Variants in FAM222A observed in about 807,000 individuals in gnomAD.
FAM222A encodes protein FAM222A.
A neutral mutation model predicts 25.8 loss-of-function variants in FAM222A; 7 were observed. The ratio of observed to expected loss-of-function variants is 0.27; its 90% CI spans 0.15 to 0.51. The LOEUF (loss-of-function observed/expected upper bound fraction) is 0.51, where lower values mean the gene tolerates loss of function less well. Among genes scored for constraint, FAM222A ranks in the 20% least tolerant of loss-of-function variants. FAM222A has a pLI of 0.97. For synonymous variants in FAM222A, 294 were observed against 298.8 expected, an observed-to-expected ratio of 0.98 and a Z score of 0.17; for missense variants, 573 against 640.5, an observed-to-expected ratio of 0.89 and a Z score of 1.14.
At chr12:109,719,913 C>T (rs1887717443) in intron 1 of FAM222A, among the ~76,000 whole-genome samples, 1 of 152,152 alleles carries the variant, frequency 6.6e-6, no homozygotes, top group Admixed American at 6.5e-5. Flanking sequence ...GAGTCGCAGA[C>T]CTGGGCTGAA....
chr12:109,766,862 C>T (rs562070985), intron 2 of FAM222A, among the ~76,000 whole-genome samples: 14 of 152,194 alleles, frequency 9.2e-5, no homozygotes, highest in African/African-American at 3.4e-4. Flanking sequence ...TCCAACAGAA[C>T]TCTGCATGCA....
intron 2 of FAM222A, among the ~76,000 whole-genome samples, chr12:109,748,822 T>A (rs1300704032): frequency 6.6e-6 from 1 of 152,206 alleles, no homozygotes; most frequent in African/African-American, 2.4e-5. Context: ...AGGATTTATT[T>A]ATTAGTAATT....
At position 109,762,887 on chromosome 12, in the gene FAM222A, C is replaced by T. The variant is rs567833359; in HGVS notation, c.83-5125C>T. On this transcript the variant is annotated intron_variant, in intron 2 of 2. Transcript: ENST00000538780. The stretch of plus-strand genomic sequence containing the variant: ...GGCTTCAGACAGGGACTCCAGTGAC[C>T]TGGAGGCTCATGCCCCACCTGAAGG... 2.5e-3 allele frequency among the ~76,000 whole-genome samples: 386 copies of T among 152,346 alleles called. 1 individual carries two copies. The highest frequency in any genetic ancestry group is 8.8e-3 in the African/African-American group (367 of 41,566).
chr12:109,769,433 C>T lies in FAM222A; in HGVS notation c.*145C>T. 9.6e-7 allele frequency: 1 copy of T among 1,042,326 alleles called. No individual in the cohort carries two copies. The highest frequency in any genetic ancestry group is 1.3e-6 in the Non-Finnish European group (1 of 740,794). The allele number at this position is 1,042,326 out of a possible 1,614,324, so 64.6% of individuals were successfully genotyped here. A position where few individuals can be genotyped will look rare whatever the true frequency, so the allele number is the denominator to read the frequency against. On this transcript the variant is annotated 3_prime_UTR_variant, in exon 3 of 3. Transcript: ENST00000538780. Reference sequence around the variant, plus strand: ...AGGGGAGCCAGGCTGGCTGCCGCCTCGCTGTGGCCGGATGGAGGGTGGCAG... The same window carrying T: ...AGGGGAGCCAGGCTGGCTGCCGCCTTGCTGTGGCCGGATGGAGGGTGGCAG...
intron 1 of FAM222A, among the ~76,000 whole-genome samples, chr12:109,740,092 C>T (rs1343994467): frequency 6.6e-6 from 1 of 152,230 alleles, no homozygotes; most frequent in African/African-American, 2.4e-5. Flanking sequence ...TTCATAAAAA[C>T]AGAGACAGCC....
At chr12:109,740,921 C>T (rs897658854) in intron 1 of FAM222A, among the ~76,000 whole-genome samples, 9 of 152,168 alleles carry the variant, frequency 5.9e-5, no homozygotes, top group African/African-American at 1.7e-4. Flanking sequence ...TGAGTTCGAA[C>T]GGATCAGGGT....
chr12:109,732,892 C>G (rs17672565), intron 1 of FAM222A, among the ~76,000 whole-genome samples: 2,148 of 152,318 alleles, frequency 0.014, 52 homozygotes, highest in African/African-American at 0.049. Flanking sequence ...TGTGCCCCAT[C>G]GTGCAGACAC....
rs1014951809 is a variant in FAM222A at position 109,769,412 on chromosome 12, G to A, written c.*124G>A. On this transcript the variant is annotated 3_prime_UTR_variant, in exon 3 of 3. Coordinates refer to ENST00000538780, the MANE Select transcript of FAM222A (RefSeq NM_032829.3). Reference sequence around the variant, plus strand: ...CCTGTGCCTGCTGATGCCCACAGGGGAGCCAGGCTGGCTGCCGCCTCGCTG... The same window carrying A: ...CCTGTGCCTGCTGATGCCCACAGGGAAGCCAGGCTGGCTGCCGCCTCGCTG... 8.1e-7 allele frequency: 1 copy of A among 1,239,664 alleles called. No individual in the cohort carries two copies. Among genetic ancestry groups the A allele is most frequent in the African/African-American group, 1.5e-5 (1 of 66,008 alleles). 76.8% of individuals were successfully genotyped at this position (1,239,664 alleles called of 1,614,324 possible). A position where few individuals can be genotyped will look rare whatever the true frequency, so the allele number is the denominator to read the frequency against.
At chr12:109,762,013 A>G (rs1468177050) in intron 2 of FAM222A, among the ~76,000 whole-genome samples, 15 of 151,658 alleles carry the variant, frequency 9.9e-5, no homozygotes, top group Admixed American at 9.9e-4. Flanking sequence ...ACCCCCCAAG[A>G]CTACCTTCCA....
intron 1 of FAM222A, chr12:109,743,881 C>CA: frequency 1.0e-6 from 1 of 985,456 alleles, no homozygotes; most frequent in Non-Finnish European, 1.2e-6. Context: ...GTCCAGCCCC[C>CA]ACTCAAGAGC....
In FAM222A at chr12:109,769,205, C is replaced by T. The variant is rs1345803087; in HGVS notation, c.1276C>T (p.Leu426=). 1.9e-6 allele frequency: 3 copies of T among 1,612,104 alleles called. No individual in the cohort carries two copies. The highest frequency in any genetic ancestry group is 3.3e-5 in the Admixed American group (2 of 59,920). Residue 426 remains leucine, a synonymous_variant, in exon 3 of 3, where the codon CTG becomes TTG. Transcript: ENST00000538780. The stretch of plus-strand genomic sequence containing the variant: ...GCCGCCCTGCATCAAGGAGCAGATG[C>T]TGGGCAAGGGCTATGAGACGGTGGC... ...IRPPCIKEQM[L]GKGYETVAVP... is the part of the protein sequence containing the mutation.
intron 2 of FAM222A, among the ~76,000 whole-genome samples, chr12:109,761,120 G>T (rs1013511046): frequency 6.6e-6 from 1 of 152,182 alleles, no homozygotes; most frequent in Non-Finnish European, 1.5e-5. Context: ...CTCAGAGAGG[G>T]ACAGTGGTGT....
chr12:109,731,353 C>T (rs542077019), intron 1 of FAM222A, among the ~76,000 whole-genome samples: 179 of 152,208 alleles, frequency 1.2e-3, no homozygotes, highest in African/African-American at 4.2e-3. Flanking sequence ...GGTGCCCACT[C>T]AGAATCCGGC....
At chr12:109,716,395 TAGG>T (rs1825376803) in intron 1 of FAM222A, among the ~76,000 whole-genome samples, 1 of 152,102 alleles carries the variant, frequency 6.6e-6, no homozygotes. Flanking sequence ...TTCGGGTCAT[TAGG>T]AGAAGCCAGG....
At chr12:109,763,059 C>T (rs1273567828) in intron 2 of FAM222A, among the ~76,000 whole-genome samples, 2 of 152,188 alleles carry the variant, frequency 1.3e-5, no homozygotes, top group Non-Finnish European at 2.9e-5. Context: ...CCTGGGTGGC[C>T]TCCCTGCCTC....
rs1592804731 is a variant in FAM222A, at chr12:109,768,720, C to T, written c.791C>T (p.Thr264Ile). ...RKGTELGQGATQALTLAGAAK... is the reference protein window; with the variant it reads ...RKGTELGQGAIQALTLAGAAK... ...GGCACTGAGCTGGGCCAGGGAGCCA[C>T]CCAAGCCTTGACGTTGGCTGGGGCC... Residue 264 changes from threonine (T) to isoleucine (I), a missense_variant, in exon 3 of 3, where the codon ACC becomes ATC. This residue lies in a region of FAM222A where 412 missense variants were observed against 407.0 expected (regional missense o/e 1.01). Transcript: ENST00000538780. 1 of 1,580,658 alleles carries T rather than the reference C, an allele frequency of 6.3e-7. No homozygotes were observed. Among genetic ancestry groups the T allele is most frequent in the Non-Finnish European group, 8.6e-7 (1 of 1,168,402 alleles).
In FAM222A at chr12:109,714,184, G is replaced by C. The variant is rs532965796; in HGVS notation, c.-760G>C. Reference sequence around the variant, plus strand: ...CGCCGAGGCCCCCGAGGCTGCATCCGAGCTTGCGTCGCCCGCTGCCGCCGC... The same window carrying C: ...CGCCGAGGCCCCCGAGGCTGCATCCCAGCTTGCGTCGCCCGCTGCCGCCGC... On this transcript the variant is annotated 5_prime_UTR_variant, in exon 1 of 3. Coordinates refer to ENST00000538780, the MANE Select transcript of FAM222A (RefSeq NM_032829.3). This position sits in a 1 kb window ranked among gnomAD's most constrained non-coding sequence, Gnocchi z 4.2. 1 of 204,716 alleles carries C rather than the reference G, an allele frequency of 4.9e-6. No homozygotes were observed. The highest frequency in any genetic ancestry group is 6.2e-5 in the South Asian group (1 of 16,066). The allele number at this position is 204,716 out of a possible 1,614,324, so 12.7% of individuals were successfully genotyped here.
intron 2 of FAM222A, among the ~76,000 whole-genome samples, chr12:109,761,193 G>A (rs1888883406): frequency 6.6e-6 from 1 of 152,208 alleles, no homozygotes. Context: ...GTGGCTCAGA[G>A]TCCACGAATT....
chr12:109,743,735 G>C (rs1276194514), intron 1 of FAM222A, among the ~76,000 whole-genome samples: 1 of 152,140 alleles, frequency 6.6e-6, no homozygotes. Flanking sequence ...CTTACAGGGG[G>C]CCACCACCGG....
Sources: gnomAD v4.1 joint callset for allele counts (sites outside exome capture counted in the v4.1 genomes callset) on GRCh38, gnomAD v4.1.1 for gene constraint, gnomAD v4.1.1 regional missense constraint, Gnocchi (gnomAD v3.1) non-coding constraint, MANE v1.5 for transcripts, NCBI Gene and HGNC (gene_info 2026-07-23, HGNC 2026-07-21) for gene names.